MDM2: variants seen among roughly 807,000 people sequenced by gnomAD.
The protein encoded by MDM2 is E3 ubiquitin-protein ligase Mdm2.
In MDM2, 11 loss-of-function variants were observed where a neutral mutation model predicts 64.3. The observed-to-expected ratio is 0.17, with a 90% confidence interval of 0.11 to 0.28. The LOEUF (loss-of-function observed/expected upper bound fraction) is 0.28, where lower values mean the gene tolerates loss of function less well. MDM2 is among the 10% of genes least tolerant of loss of function. MDM2 has a pLI of 1.00. For synonymous variants in MDM2, 194 were observed against 192.9 expected (o/e 1.01, Z -0.05); for missense variants, 388 against 577.1 (o/e 0.67, Z 3.36).
At chr12:68,831,075 C>T (rs1457344166) in intron 8 of MDM2, among the ~76,000 whole-genome samples, 2 of 152,130 alleles carry the variant, frequency 1.3e-5, no homozygotes, top group South Asian at 2.1e-4. Flanking sequence ...CTTGTTCCTG[C>T]TTTGTACCTG....
At chr12:68,819,100 G>T (rs1881637802) in intron 4 of MDM2, among the ~76,000 whole-genome samples, 1 of 152,170 alleles carries the variant, frequency 6.6e-6, no homozygotes, top group African/African-American at 2.4e-5. Flanking sequence ...AATGTTGAGA[G>T]ATAAGAAATA....
chr12:68,849,407 T>A (rs1403544576), downstream of MDM2: 1 of 142,996 alleles, frequency 7.0e-6, no homozygotes, highest in East Asian at 2.2e-4. Flanking sequence ...TTTTTGTTGT[T>A]GTTGTTGTTT....
intron 5 of MDM2, 114 bp downstream of exon 5, chr12:68,820,488 A>T: frequency 1.3e-6 from 1 of 776,904 alleles, no homozygotes; most frequent in South Asian, 1.7e-5. Context: ...CTTTAATTAA[A>T]TATTGTAATA....
At chr12:68,814,578 A>G in intron 3 of MDM2, 1 of 374,220 alleles carries the variant, frequency 2.7e-6, no homozygotes, top group South Asian at 2.0e-5. Context: ...ATCCAAATTA[A>G]TGGACCCCCT....
At chr12:68,809,799 A>C (rs937973707) in intron 2 of MDM2, among the ~76,000 whole-genome samples, 1 of 152,222 alleles carries the variant, frequency 6.6e-6, no homozygotes, top group South Asian at 2.1e-4. Context: ...TAACAAGATG[A>C]AACTGTAGTT....
downstream of MDM2, chr12:68,848,091 T>C (rs1239072318): frequency 1.3e-5 from 2 of 152,230 alleles, no homozygotes; most frequent in African/African-American, 4.8e-5. Context: ...ATTGCGCCAC[T>C]ACACTCTGCT....
chr12:68,813,680 C>A, intron 3 of MDM2, 52 bp downstream of exon 3: 2 of 1,353,356 alleles, frequency 1.5e-6, no homozygotes, highest in East Asian at 2.3e-5. Flanking sequence ...TGTAGCCATA[C>A]TTAAAGTTTT....
At chr12:68,819,815 T>C (rs773583625) in intron 4 of MDM2, among the ~76,000 whole-genome samples, 2 of 152,200 alleles carry the variant, frequency 1.3e-5, no homozygotes, top group Non-Finnish European at 2.9e-5. Flanking sequence ...CGTTTTAAGA[T>C]CAAGAAAGGA....
intron 7 of MDM2, among the ~76,000 whole-genome samples, chr12:68,826,100 A>G (rs903290681): frequency 2.0e-5 from 3 of 152,220 alleles, no homozygotes; most frequent in African/African-American, 7.2e-5. Context: ...AAGGGCAGAC[A>G]GTTCACAAAA....
In MDM2 at chr12:68,818,571, A is replaced by G. The variant is rs867499148; in HGVS notation, c.308+1626A>G. Reference sequence around the variant, plus strand: ...TTATATATTATAATATACATATAATATAATTATATATATTACAAATATATG... The same window carrying G: ...TTATATATTATAATATACATATAATGTAATTATATATATTACAAATATATG... On this transcript the variant is annotated intron_variant, in intron 4 of 10. Transcript: ENST00000258149. 5.4e-5 allele frequency among the ~76,000 whole-genome samples: 8 copies of G among 148,230 alleles called. No homozygotes were observed. In the South Asian group the frequency reaches 6.3e-4, roughly 12 times the overall value.
downstream of MDM2, chr12:68,845,629 C>T (rs999738415): frequency 2.8e-5 from 5 of 176,824 alleles, no homozygotes; most frequent in East Asian, 1.9e-4. Context: ...AAAAAAAATT[C>T]GATAGGCATT....
intron 5 of MDM2, among the ~76,000 whole-genome samples, chr12:68,821,469 T>C (rs1254525983): frequency 2.6e-5 from 4 of 152,196 alleles, no homozygotes; most frequent in Admixed American, 2.6e-4. Context: ...ATGCCTATAA[T>C]TCCAGCACTT....
Position 68,839,228 on chromosome 12 carries a change from A to G in MDM2, c.919-46A>G, listed in dbSNP as rs369818604. The G allele has an allele frequency of 7.8e-6, 12 of 1,544,480 alleles. No homozygotes were observed. The South Asian group carries it at 1.1e-4, about 14-fold the overall frequency. On this transcript the variant is annotated intron_variant, in intron 10 of 10. Coordinates refer to ENST00000258149, the MANE Select transcript of MDM2 (RefSeq NM_002392.6). ...GTTGCTAGCATTCCTGTGACTGAGC[A>G]GTTAAAGGGTTACAGAAACTGACTG...
chr12:68,809,095 C>G, intron 1 of MDM2, 113 bp from the exon 2 acceptor site: 1 of 1,533,516 alleles, frequency 6.5e-7, no homozygotes, highest in African/African-American at 1.4e-5. Context: ...AGGTAAGCAC[C>G]GACTTGCTTG....
intron 8 of MDM2, among the ~76,000 whole-genome samples, chr12:68,833,337 A>G (rs1470459058): frequency 6.4e-5 from 8 of 124,932 alleles, no homozygotes; most frequent in African/African-American, 2.3e-4. Flanking sequence ...ATATAAAAAT[A>G]TATATTTATG....
At chr12:68,810,806 T>C (rs574787328) in intron 2 of MDM2, among the ~76,000 whole-genome samples, 3 of 151,572 alleles carry the variant, frequency 2.0e-5, no homozygotes, top group Non-Finnish European at 4.4e-5. Flanking sequence ...TACTGTACCA[T>C]TGTTTAAATT....
At chr12:68,811,711 T>A (rs1354391239) in intron 2 of MDM2, among the ~76,000 whole-genome samples, 1 of 151,316 alleles carries the variant, frequency 6.6e-6, no homozygotes, top group African/African-American at 2.4e-5. Context: ...TTCAAGCAAT[T>A]CTGCCGCAGC....
intron 8 of MDM2, among the ~76,000 whole-genome samples, chr12:68,835,102 G>A (rs1479977201): frequency 2.0e-5 from 3 of 152,172 alleles, no homozygotes; most frequent in Non-Finnish European, 4.4e-5. Context: ...GTCTTGTTAC[G>A]TGTATTCTAC....
chr12:68,829,983 A>T (rs373139564), intron 8 of MDM2, among the ~76,000 whole-genome samples: 76 of 152,234 alleles, frequency 5.0e-4, no homozygotes, highest in African/African-American at 1.7e-3. Flanking sequence ...TGTCCAACCC[A>T]TGGCCTGTGG....
Sources: gnomAD v4.1 joint callset for allele counts (sites outside exome capture counted in the v4.1 genomes callset) on GRCh38, gnomAD v4.1.1 for gene constraint, MANE v1.5 for transcripts, NCBI Gene and HGNC (gene_info 2026-07-23, HGNC 2026-07-21) for gene names.